The following SGCD variants were observed in gnomAD, a reference collection of about 807,000 sequenced individuals.
The protein encoded by SGCD is delta-sarcoglycan.
In SGCD, 18 loss-of-function variants were observed where a neutral mutation model predicts 36.6. The observed-to-expected ratio is 0.49, with a 90% CI of 0.34 to 0.73. The LOEUF (loss-of-function observed/expected upper bound fraction) is 0.73. Ranked by LOEUF, SGCD falls within the 30% of genes least tolerant of loss-of-function variation. The probability of loss-of-function intolerance (pLI) is 0.01; values close to 1 mark genes in which losing one functional copy is unlikely to be tolerated. For missense variants in SGCD, 387 were observed against 346.7 expected, an observed-to-expected ratio of 1.12 and a Z score of -0.92; for synonymous variants, 133 against 130.6, an observed-to-expected ratio of 1.02 and a Z score of -0.12.
chr5:156,232,279 A>C (rs1378766046), intron 3 of SGCD, among the ~76,000 whole-genome samples: 1 of 152,150 alleles, frequency 6.6e-6, no homozygotes, highest in Non-Finnish European at 1.5e-5. Flanking sequence ...GAGGAGTGAA[A>C]TCCTTAAGAA....
At chr5:155,744,319 G>A in the SGCD span, among the ~76,000 whole-genome samples, 3 of 152,052 alleles carry the variant, frequency 2.0e-5, no homozygotes, top group Admixed American at 6.6e-5. Flanking sequence ...AATTAATCAG[G>A]TGTGGTAGCG....
At chr5:156,613,200 T>G (rs896159368) in intron 6 of SGCD, among the ~76,000 whole-genome samples, 5 of 152,148 alleles carry the variant, frequency 3.3e-5, no homozygotes, top group Admixed American at 3.3e-4. Context: ...TTGCATCCCT[T>G]TTTGTGGGGA....
At chr5:155,764,919 C>T in the SGCD span, among the ~76,000 whole-genome samples, 3 of 152,042 alleles carry the variant, frequency 2.0e-5, no homozygotes, top group Non-Finnish European at 2.9e-5. Flanking sequence ...CTGATTGACT[C>T]GATTGGAAGC....
intron 3 of SGCD, among the ~76,000 whole-genome samples, chr5:156,175,419 AAT>A (rs1219728346): frequency 1.3e-5 from 2 of 152,126 alleles, no homozygotes; most frequent in Admixed American, 6.5e-5. Context: ...AGAAAAAAAA[AAT>A]ATTCGTGTAC....
chr5:156,071,847 G>C (rs2127588059), intron 1 of SGCD, among the ~76,000 whole-genome samples: 1 of 152,260 alleles, frequency 6.6e-6, no homozygotes, highest in African/African-American at 2.4e-5. Flanking sequence ...TAGATAGTTA[G>C]CTCTTCTTGT....
intron 3 of SGCD, among the ~76,000 whole-genome samples, chr5:156,191,799 C>A (rs1316060435): frequency 6.6e-6 from 1 of 152,106 alleles, no homozygotes; most frequent in Non-Finnish European, 1.5e-5. Flanking sequence ...TGGGAACCAG[C>A]CAATCATTTT....
In SGCD at chr5:156,053,577, C is replaced by CCTCT. The variant is rs529314968; in HGVS notation, c.-281-64300_-281-64297dup. On this transcript the variant is annotated intron_variant, in intron 1 of 9. Transcript: ENST00000517913. Reference sequence around the variant, plus strand: ...GAACATTAAACTCCAAGTGCAGGACCCTCTGAGCTTGGAGCTCTTGTGTGA... The same window carrying CCTCT: ...GAACATTAAACTCCAAGTGCAGGACCCTCTCTCTGAGCTTGGAGCTCTTGTGTGA... Among the ~76,000 whole-genome samples, 702 of 146,056 alleles carry CCTCT rather than the reference C, an allele frequency of 4.8e-3. 88 individuals are homozygous for CCTCT. Among genetic ancestry groups the CCTCT allele is most frequent in the Non-Finnish European group, 8.3e-3 (535 of 64,754 alleles).
chr5:156,531,654 G>A (rs1400137653), intron 4 of SGCD, among the ~76,000 whole-genome samples: 4 of 152,110 alleles, frequency 2.6e-5, no homozygotes, highest in African/African-American at 9.7e-5. Context: ...GGCCCATATG[G>A]CAAAAAGTCA....
the SGCD span, among the ~76,000 whole-genome samples, chr5:155,861,872 A>G: frequency 6.6e-6 from 1 of 152,234 alleles, no homozygotes; most frequent in Non-Finnish European, 1.5e-5. Context: ...TTGAAGCCAT[A>G]TACGGAACAT....
At chr5:155,969,778 C>G (rs1233715919) in intron 1 of SGCD, among the ~76,000 whole-genome samples, 1 of 152,060 alleles carries the variant, frequency 6.6e-6, no homozygotes, top group Admixed American at 6.6e-5. Context: ...CACCTCCTAC[C>G]CAGTGGGTCA....
chr5:156,117,158 G>C (rs999245986), intron 1 of SGCD, among the ~76,000 whole-genome samples: 1 of 152,034 alleles, frequency 6.6e-6, no homozygotes, highest in Non-Finnish European at 1.5e-5. Flanking sequence ...CTTGCTCTGT[G>C]CCTCTAAGAA....
chr5:156,642,244 T>C (rs1310485750), intron 6 of SGCD, among the ~76,000 whole-genome samples: 1 of 152,112 alleles, frequency 6.6e-6, no homozygotes, highest in African/African-American at 2.4e-5. Context: ...CATTGATGGC[T>C]AGGGTTTCAA....
chr5:155,834,004 T>C, the SGCD span, among the ~76,000 whole-genome samples: 1 of 152,238 alleles, frequency 6.6e-6, no homozygotes, highest in Non-Finnish European at 1.5e-5. Context: ...GTTTTGCTCA[T>C]GGTGTGGCTA....
chr5:156,313,540 C>T (rs764165234), intron 3 of SGCD, among the ~76,000 whole-genome samples: 1 of 152,068 alleles, frequency 6.6e-6, no homozygotes, highest in African/African-American at 2.4e-5. Flanking sequence ...ACAGCCTGTG[C>T]ATCTTCTCCA....
intron 3 of SGCD, among the ~76,000 whole-genome samples, chr5:156,429,896 C>A (rs1773855678): frequency 6.6e-6 from 1 of 152,144 alleles, no homozygotes; most frequent in South Asian, 2.1e-4. Flanking sequence ...TGCTTTTAAT[C>A]TGATAGGTTT....
chr5:156,320,580 T>C (rs996324893), intron 3 of SGCD, among the ~76,000 whole-genome samples: 10 of 152,222 alleles, frequency 6.6e-5, no homozygotes, highest in African/African-American at 2.4e-4. Context: ...TTAATTTCTT[T>C]TAAAAAGGTA....
At chr5:156,636,687 G>C (rs1207208717) in intron 6 of SGCD, among the ~76,000 whole-genome samples, 1 of 152,152 alleles carries the variant, frequency 6.6e-6, no homozygotes, top group Non-Finnish European at 1.5e-5. Context: ...CAAAGGCAAG[G>C]ACATGGGAAA....
At chr5:156,729,210 C>G (rs987022449) in intron 7 of SGCD, among the ~76,000 whole-genome samples, 1 of 152,140 alleles carries the variant, frequency 6.6e-6, no homozygotes, top group Non-Finnish European at 1.5e-5. Flanking sequence ...TTCTGAGGAG[C>G]TTTTACTTGC....
chr5:156,301,012 G>A (rs957856251), intron 3 of SGCD, among the ~76,000 whole-genome samples: 1 of 151,872 alleles, frequency 6.6e-6, no homozygotes, highest in Non-Finnish European at 1.5e-5. Context: ...TAAGTGGAGT[G>A]TGTTTCTTGT....
Sources: allele counts gnomAD v4.1 joint callset (sites outside exome capture counted in the v4.1 genomes callset), GRCh38; gene constraint gnomAD v4.1.1; transcripts MANE v1.5; gene names NCBI Gene and HGNC (gene_info 2026-07-23, HGNC 2026-07-21).